The following CTDSPL2 variants were observed in gnomAD, a reference collection of about 807,000 sequenced individuals.
The protein encoded by CTDSPL2 is CTD small phosphatase like 2.
CTDSPL2 carries 5 observed loss-of-function variants against 60.0 expected under a neutral mutation model. That is an observed-to-expected ratio of 0.08 (90% CI 0.04 to 0.18). The LOEUF (loss-of-function observed/expected upper bound fraction) is 0.18. Ranked by LOEUF, CTDSPL2 falls within the 10% of genes least tolerant of loss-of-function variation. CTDSPL2 has a pLI of 1.00. For missense variants in CTDSPL2, 370 were observed against 548.8 expected, an observed-to-expected ratio of 0.67 and a Z score of 3.26; for synonymous variants, 186 against 189.3, an observed-to-expected ratio of 0.98 and a Z score of 0.14.
chr15:44,431,141 A>G (rs905423798), intron 1 of CTDSPL2, among the ~76,000 whole-genome samples: 7 of 145,660 alleles, frequency 4.8e-5, no homozygotes, highest in Non-Finnish European at 9.0e-5. Flanking sequence ...TTTTTTTTTT[A>G]ATGGAGACGG....
chr15:44,464,457 A>G (rs1202006098), intron 2 of CTDSPL2, among the ~76,000 whole-genome samples: 2 of 152,080 alleles, frequency 1.3e-5, no homozygotes, highest in East Asian at 1.9e-4. Context: ...ATTTAAACTC[A>G]TATGTATTTA....
intron 8 of CTDSPL2, among the ~76,000 whole-genome samples, chr15:44,512,567 T>A (rs1448266248): frequency 6.6e-6 from 1 of 152,328 alleles, no homozygotes; most frequent in East Asian, 1.9e-4. Flanking sequence ...ATAATATACA[T>A]AAAAATCTGT....
At position 44,526,041 on chromosome 15, in the gene CTDSPL2, A is replaced by G. The variant is rs1595789929; in HGVS notation, c.*1867A>G. 6.6e-6 allele frequency: 1 copy of G among 152,248 alleles called. No homozygotes were observed. 9.4% of individuals were successfully genotyped at this position (152,248 alleles called of 1,614,324 possible). On this transcript the variant is annotated 3_prime_UTR_variant, in exon 13 of 13. Coordinates refer to ENST00000260327, the MANE Select transcript of CTDSPL2 (RefSeq NM_016396.3). Reference sequence around the variant, plus strand: ...TTTTTAATTTTATTTAAAGAAAGGTATTTTGCTTGCAGGAAAAAAATACTA... The same window carrying G: ...TTTTTAATTTTATTTAAAGAAAGGTGTTTTGCTTGCAGGAAAAAAATACTA...
chr15:44,449,716 G>A (rs144687789), intron 1 of CTDSPL2, among the ~76,000 whole-genome samples: 142 of 152,200 alleles, frequency 9.3e-4, no homozygotes, highest in African/African-American at 3.1e-3. Flanking sequence ...GTAGCCAGGC[G>A]TGGTGGCACT....
intron 3 of CTDSPL2, among the ~76,000 whole-genome samples, chr15:44,484,831 A>T (rs1004334367): frequency 3.9e-5 from 6 of 152,212 alleles, no homozygotes; most frequent in African/African-American, 1.4e-4. Flanking sequence ...AAATGTGCTA[A>T]TTTGAATCTT....
At chr15:44,480,228 TC>T (rs1303476967) in intron 2 of CTDSPL2, among the ~76,000 whole-genome samples, 2 of 152,140 alleles carry the variant, frequency 1.3e-5, no homozygotes, top group Non-Finnish European at 2.9e-5. Context: ...CCAACTCCCC[TC>T]CCCCTTATTT....
intron 5 of CTDSPL2, among the ~76,000 whole-genome samples, chr15:44,491,358 T>C (rs1052573507): frequency 6.6e-6 from 1 of 152,202 alleles, no homozygotes; most frequent in Non-Finnish European, 1.5e-5. Flanking sequence ...CTAGAGGCAG[T>C]CTCATACCTT....
rs2081861392 is a variant in CTDSPL2, at chr15:44,525,742, A to C, written c.*1568A>C. ...CTTAAAATAAGGAAATCTTTTTAGG[A>C]AAACATTTAATTTTTGTATTTTTGA... On this transcript the variant is annotated 3_prime_UTR_variant, in exon 13 of 13. Coordinates refer to ENST00000260327, the MANE Select transcript of CTDSPL2 (RefSeq NM_016396.3). 1 of 342,504 alleles carries C rather than the reference A, an allele frequency of 2.9e-6. No homozygotes were observed. Among genetic ancestry groups the C allele is most frequent in the South Asian group, 1.5e-4 (1 of 6,538 alleles). 21.2% of individuals were successfully genotyped at this position (342,504 alleles called of 1,614,324 possible).
chr15:44,498,315 A>G (rs1009841993), intron 7 of CTDSPL2, among the ~76,000 whole-genome samples: 1 of 152,078 alleles, frequency 6.6e-6, no homozygotes, highest in Non-Finnish European at 1.5e-5. Context: ...TCTCATAGAA[A>G]ATTTATCTTA....
chr15:44,460,530 A>G (rs915735235), intron 2 of CTDSPL2, among the ~76,000 whole-genome samples: 2 of 152,182 alleles, frequency 1.3e-5, no homozygotes, highest in African/African-American at 4.8e-5. Context: ...ATTTTTCATT[A>G]TAATGGAAGT....
At chr15:44,478,721 C>T (rs2080969353) in intron 2 of CTDSPL2, among the ~76,000 whole-genome samples, 2 of 152,072 alleles carry the variant, frequency 1.3e-5, no homozygotes, top group Admixed American at 1.3e-4. Flanking sequence ...GTGGCTCAGG[C>T]CTGTAATCCC....
chr15:44,472,750 A>G (rs545550559), intron 2 of CTDSPL2, among the ~76,000 whole-genome samples: 4 of 151,852 alleles, frequency 2.6e-5, no homozygotes, highest in East Asian at 3.9e-4. Context: ...TGCAACTTCT[A>G]CCTCCTGTGT....
intron 1 of CTDSPL2, among the ~76,000 whole-genome samples, chr15:44,446,928 T>C (rs1486647542): frequency 6.6e-6 from 1 of 151,902 alleles, no homozygotes; most frequent in Non-Finnish European, 1.5e-5. Context: ...CTAATTTTTG[T>C]ATTTTTAGTA....
intron 12 of CTDSPL2, among the ~76,000 whole-genome samples, chr15:44,521,937 C>CAAAAAAAA (rs904398715): frequency 4.4e-4 from 27 of 60,778 alleles, no homozygotes; most frequent in African/African-American, 2.3e-3. Context: ...GACTCCGTCT[C>CAAAAAAAA]AAAAAAAAAA....
chr15:44,494,153 C>A (rs1344083170), intron 5 of CTDSPL2, among the ~76,000 whole-genome samples: 2 of 152,114 alleles, frequency 1.3e-5, no homozygotes, highest in African/African-American at 4.8e-5. Flanking sequence ...TGTCTTCTTA[C>A]ATTTAAGTTA....
At chr15:44,476,742 C>T (rs183607815) in intron 2 of CTDSPL2, among the ~76,000 whole-genome samples, 6 of 152,222 alleles carry the variant, frequency 3.9e-5, no homozygotes, top group East Asian at 1.9e-4. Context: ...TGTGTAAATA[C>T]GCTGTATGAT....
chr15:44,491,050 T>C, intron 5 of CTDSPL2, 51 bp downstream of exon 5: 2 of 1,373,302 alleles, frequency 1.5e-6, no homozygotes, highest in Non-Finnish European at 2.1e-6. Flanking sequence ...TGATAAAAAA[T>C]AACAGTATTT....
intron 12 of CTDSPL2, among the ~76,000 whole-genome samples, chr15:44,521,693 C>T (rs2081771356): frequency 6.6e-6 from 1 of 151,898 alleles, no homozygotes; most frequent in Non-Finnish European, 1.5e-5. Context: ...AATCCCAGCA[C>T]TTTGGGAGGC....
chr15:44,522,999 TTTTG>T (rs767339808), intron 12 of CTDSPL2, among the ~76,000 whole-genome samples: 59 of 152,100 alleles, frequency 3.9e-4, no homozygotes, highest in African/African-American at 1.1e-3. Flanking sequence ...TCCCACTGTT[TTTTG>T]TTTGTTTGTT....
Sources: gnomAD v4.1 joint callset for allele counts (sites outside exome capture counted in the v4.1 genomes callset) on GRCh38, gnomAD v4.1.1 for gene constraint, MANE v1.5 for transcripts, NCBI Gene and HGNC (gene_info 2026-07-23, HGNC 2026-07-21) for gene names.